The following CD46 variants were observed in gnomAD, a reference collection of about 807,000 sequenced individuals.
The protein encoded by CD46 is membrane cofactor protein.
CD46 carries 30 observed loss-of-function variants against 53.3 expected under a neutral mutation model. The ratio of observed to expected loss-of-function variants is 0.56; its 90% CI spans 0.42 to 0.76. The LOEUF (loss-of-function observed/expected upper bound fraction) is 0.76, where lower values mean the gene tolerates loss of function less well. Ranked by LOEUF, CD46 falls within the 30% of genes least tolerant of loss-of-function variation. The probability of loss-of-function intolerance (pLI) is 0.00; values close to 1 mark genes in which losing one functional copy is unlikely to be tolerated. For missense variants in CD46, 409 were observed against 463.0 expected, an observed-to-expected ratio of 0.88 and a Z score of 1.07; for synonymous variants, 142 against 152.0, an observed-to-expected ratio of 0.93 and a Z score of 0.48.
chr1:207,752,859 C>T lies in CD46; in HGVS notation c.97+550C>T, dbSNP rs1558039382. ...CTGGGAGCGTGCTGTGCGTAAGTGG[C>T]CTGTGTGCAGAGTTCACTGTGGGCA... On this transcript the variant is annotated intron_variant, in intron 1 of 12. Coordinates refer to ENST00000367042, the MANE Select transcript of CD46 (RefSeq NM_172351.3). The surrounding 1 kb of genome is among the most constrained non-coding windows in gnomAD (Gnocchi z 4.1). Among the ~76,000 whole-genome samples the T allele has an allele frequency of 6.6e-6, 1 of 152,080 alleles. No individual in the cohort carries two copies. The highest frequency in any genetic ancestry group is 2.4e-5 in the African/African-American group (1 of 41,398).
intron 5 of CD46, chr1:207,762,463 A>C (rs764832900): frequency 1.3e-5 from 2 of 152,252 alleles, no homozygotes. Flanking sequence ...AGAGGAAATC[A>C]GTGAAACCAA....
intron 5 of CD46, among the ~76,000 whole-genome samples, chr1:207,765,958 C>T (rs917848230): frequency 2.0e-5 from 3 of 152,126 alleles, no homozygotes; most frequent in South Asian, 2.1e-4. Context: ...AAGATGGACT[C>T]GTACTCAGCA....
At chr1:207,789,082 A>G (rs1659552819) in intron 11 of CD46, among the ~76,000 whole-genome samples, 1 of 152,194 alleles carries the variant, frequency 6.6e-6, no homozygotes, top group African/African-American at 2.4e-5. Flanking sequence ...CCTGTATTGC[A>G]TGGCATGACT....
intron 8 of CD46, among the ~76,000 whole-genome samples, chr1:207,770,827 A>G (rs1012760891): frequency 2.6e-5 from 4 of 152,170 alleles, no homozygotes; most frequent in African/African-American, 7.2e-5. Context: ...GTTGGTTCCA[A>G]GTCTTTGCTA....
chr1:207,785,139 C>A (rs371640332), intron 10 of CD46, 33 bp downstream of exon 10: 40 of 1,524,916 alleles, frequency 2.6e-5, no homozygotes, highest in Non-Finnish European at 3.5e-5. Context: ...CCACTTAAGT[C>A]AAAAAATTAT....
rs778547874 is a variant in CD46 at position 207,759,620 on chromosome 1, C to G, written c.390-19C>G. The stretch of plus-strand genomic sequence containing the variant: ...ATTAATTGCTATACAAAACAGTAAC[C>G]CTTTCTTTTCTCATTTAGTTATTAC... On this transcript the variant is annotated intron_variant, in intron 3 of 12. Coordinates refer to ENST00000367042, the MANE Select transcript of CD46 (RefSeq NM_172351.3). 1 of 1,315,610 alleles carries G rather than the reference C, an allele frequency of 7.6e-7. No individual in the cohort carries two copies. The highest frequency in any genetic ancestry group is 1.1e-6 in the Non-Finnish European group (1 of 911,178). The allele number at this position is 1,315,610 out of a possible 1,614,324, so 81.5% of individuals were successfully genotyped here.
intron 8 of CD46, among the ~76,000 whole-genome samples, chr1:207,773,139 G>A (rs549634751): frequency 1.5e-4 from 23 of 152,264 alleles, no homozygotes; most frequent in African/African-American, 5.5e-4. Context: ...GGGTGTATGT[G>A]TCCAGGAATT....
Position 207,752,184 on chromosome 1 carries a change from G to T in CD46, c.-29G>T, listed in dbSNP as rs1398546623. On this transcript the variant is annotated 5_prime_UTR_variant, in exon 1 of 13. It introduces an in-frame stop codon into an upstream open reading frame of the 5' UTR. Coordinates refer to ENST00000367042, the MANE Select transcript of CD46 (RefSeq NM_172351.3). This position sits in a 1 kb window ranked among gnomAD's most constrained non-coding sequence, Gnocchi z 4.1. ...CTCTCGGTTTCTCTGCTTTCCTCCG[G>T]AGAAATAACAGCGTCTTCCGCGCCG... 15 of 1,606,718 alleles carry T rather than the reference G, an allele frequency of 9.3e-6. No homozygotes were observed. Among genetic ancestry groups the T allele is most frequent in the Non-Finnish European group, 1.3e-5 (15 of 1,175,174 alleles).
At chr1:207,771,698 G>A (rs1399355712) in intron 8 of CD46, among the ~76,000 whole-genome samples, 1 of 152,184 alleles carries the variant, frequency 6.6e-6, no homozygotes, top group Non-Finnish European at 1.5e-5. Flanking sequence ...TCAAAGATCA[G>A]ATGGTTGTAG....
intron 8 of CD46, among the ~76,000 whole-genome samples, chr1:207,776,172 G>A (rs796734274): frequency 9.8e-5 from 15 of 152,350 alleles, no homozygotes; most frequent in African/African-American, 3.6e-4. Flanking sequence ...CGTGGGACCT[G>A]CCAAGCCATG....
intron 7 of CD46, chr1:207,769,892 A>G (rs760014206): frequency 2.3e-5 from 4 of 174,604 alleles, no homozygotes; most frequent in Non-Finnish European, 4.9e-5. Context: ...CAGACTCCCA[A>G]GTAGCTGGTA....
In CD46 at chr1:207,766,993, AG is replaced by A; in HGVS notation, c.674-18del. The stretch of plus-strand genomic sequence containing the variant: ...CTAAAGCAGATATCCATTAATTCTG[AG>A]GTTTCTCTAATTTTCCAGTGGTCAA... On this transcript the variant is annotated intron_variant, in intron 5 of 12. Coordinates refer to ENST00000367042, the MANE Select transcript of CD46 (RefSeq NM_172351.3). The A allele has an allele frequency of 6.2e-7, 1 of 1,601,480 alleles. No individual in the cohort carries two copies.
chr1:207,755,331 A>G (rs1655409738), intron 1 of CD46, among the ~76,000 whole-genome samples: 1 of 152,256 alleles, frequency 6.6e-6, no homozygotes, highest in African/African-American at 2.4e-5. Context: ...GACAGGTATG[A>G]AACCTAGAGA....
intron 12 of CD46, among the ~76,000 whole-genome samples, chr1:207,792,484 G>T (rs1293351006): frequency 1.3e-5 from 2 of 152,082 alleles, no homozygotes; most frequent in South Asian, 2.1e-4. Context: ...GCAATTTTTT[G>T]AATTTTTGCA....
chr1:207,775,719 A>T (rs1658022596), intron 8 of CD46, among the ~76,000 whole-genome samples: 1 of 152,114 alleles, frequency 6.6e-6, no homozygotes, highest in African/African-American at 2.4e-5. Context: ...TTGCTGCCTG[A>T]TCCTTCCTCT....
intron 1 of CD46, among the ~76,000 whole-genome samples, chr1:207,754,337 C>T (rs1456736027): frequency 6.6e-6 from 1 of 152,160 alleles, no homozygotes; most frequent in Non-Finnish European, 1.5e-5. Flanking sequence ...GCAAACTCAG[C>T]TGGAATGTTA....
intron 3 of CD46, among the ~76,000 whole-genome samples, chr1:207,758,803 T>A (rs1372186976): frequency 6.6e-6 from 1 of 152,170 alleles, no homozygotes; most frequent in East Asian, 1.9e-4. Context: ...TACTGCTTGC[T>A]AGGCACACCG....
chr1:207,789,226 A>G (rs968178629), intron 11 of CD46, among the ~76,000 whole-genome samples: 2 of 152,164 alleles, frequency 1.3e-5, no homozygotes, highest in African/African-American at 2.4e-5. Context: ...AGTGAAAGTT[A>G]TTTACATAAT....
At position 207,767,513 on chromosome 1, in the gene CD46, A is replaced by C. The variant is rs1332721579; in HGVS notation, c.857-266A>C. ...TTGGAATTGAAACATGGGCATTTTTATCTAAGTAAGTCAACAATGGCATAA... is the reference window on the plus strand; with the variant it reads ...TTGGAATTGAAACATGGGCATTTTTCTCTAAGTAAGTCAACAATGGCATAA... On this transcript the variant is annotated intron_variant, in intron 6 of 12. Coordinates refer to ENST00000367042, the MANE Select transcript of CD46 (RefSeq NM_172351.3). 3 of 1,059,268 alleles carry C rather than the reference A, an allele frequency of 2.8e-6. No individual in the cohort carries two copies. In the Admixed American group the frequency reaches 5.2e-5, roughly 18 times the overall value. The allele number at this position is 1,059,268 out of a possible 1,614,324, so 65.6% of individuals were successfully genotyped here.
Sources: allele counts gnomAD v4.1 joint callset (sites outside exome capture counted in the v4.1 genomes callset), GRCh38; gene constraint gnomAD v4.1.1; non-coding constraint Gnocchi (gnomAD v3.1); transcripts MANE v1.5; gene names NCBI Gene and HGNC (gene_info 2026-07-23, HGNC 2026-07-21).